Variants in MYRIP observed in about 807,000 individuals in gnomAD.
MYRIP encodes rab effector MyRIP.
In MYRIP, 49 loss-of-function variants were observed where a neutral mutation model predicts 98.0. The ratio of observed to expected loss-of-function variants is 0.50; its 90% CI spans 0.40 to 0.63. MYRIP has a LOEUF of 0.63. MYRIP is among the 30% of genes least tolerant of loss of function. MYRIP has a pLI of 0.00. For missense variants in MYRIP, 1,004 were observed against 1,058.2 expected (o/e 0.95, Z 0.71); for synonymous variants, 404 against 409.5 (o/e 0.99, Z 0.16).
chr3:39,978,230 C>T (rs1945803876), intron 2 of MYRIP, among the ~76,000 whole-genome samples: 1 of 152,122 alleles, frequency 6.6e-6, no homozygotes, highest in Admixed American at 6.5e-5. Flanking sequence ...TATCCTAGTC[C>T]TCAAGAGAAA....
intron 3 of MYRIP, among the ~76,000 whole-genome samples, chr3:40,099,527 A>C (rs1948900761): frequency 6.6e-6 from 1 of 152,164 alleles, no homozygotes. Flanking sequence ...ACTCTCCATC[A>C]CAGTATATGT....
chr3:39,885,883 T>C (rs573938355), intron 1 of MYRIP, among the ~76,000 whole-genome samples: 24 of 152,160 alleles, frequency 1.6e-4, no homozygotes, highest in African/African-American at 5.8e-4. Flanking sequence ...TTGGTTATTC[T>C]AGTTATACAT....
At chr3:39,995,588 T>C (rs1207306408) in intron 2 of MYRIP, among the ~76,000 whole-genome samples, 8 of 152,126 alleles carry the variant, frequency 5.3e-5, no homozygotes, top group Admixed American at 5.2e-4. Flanking sequence ...ACGGGGAGAA[T>C]GGAACCAAGT....
intron 1 of MYRIP, among the ~76,000 whole-genome samples, chr3:39,861,165 G>A (rs1289043769): frequency 6.6e-6 from 1 of 152,158 alleles, no homozygotes; most frequent in Non-Finnish European, 1.5e-5. Context: ...ACAGGCTAGG[G>A]AGCAAAGCCA....
At chr3:40,239,617 G>GT (rs1952934765) in intron 12 of MYRIP, among the ~76,000 whole-genome samples, 2 of 148,032 alleles carry the variant, frequency 1.4e-5, no homozygotes, top group Admixed American at 1.3e-4. Context: ...GTGTGAGATG[G>GT]TATCTCATTG....
At chr3:39,931,603 GA>G (rs1226493995) in intron 2 of MYRIP, among the ~76,000 whole-genome samples, 2 of 152,102 alleles carry the variant, frequency 1.3e-5, no homozygotes, top group Admixed American at 6.5e-5. Context: ...TGGCAGGGGG[GA>G]AAGCATTCAG....
intron 8 of MYRIP, 113 bp from the exon 9 acceptor site, chr3:40,182,096 AAGAGCCATTAC>A (rs1950895076): frequency 9.4e-7 from 1 of 1,065,022 alleles, no homozygotes; most frequent in South Asian, 2.0e-5. Context: ...CTCACGTGAA[AAGAGCCATTAC>A]CATTAAACAT....
intron 2 of MYRIP, among the ~76,000 whole-genome samples, chr3:39,942,540 A>T (rs1419668536): frequency 6.6e-6 from 1 of 152,080 alleles, no homozygotes; most frequent in Non-Finnish European, 1.5e-5. Context: ...TACATAATAG[A>T]TGTGTATATT....
At chr3:39,907,680 C>G (rs538149794) in intron 2 of MYRIP, among the ~76,000 whole-genome samples, 2 of 152,148 alleles carry the variant, frequency 1.3e-5, no homozygotes, top group Admixed American at 6.5e-5. Context: ...TAGTATTACT[C>G]TAAGTAATAG....
intron 3 of MYRIP, among the ~76,000 whole-genome samples, chr3:40,150,618 A>G (rs1410519883): frequency 6.6e-6 from 1 of 152,218 alleles, no homozygotes; most frequent in African/African-American, 2.4e-5. Flanking sequence ...TCAAGCATTT[A>G]TTGGCTTGCT....
intron 2 of MYRIP, among the ~76,000 whole-genome samples, chr3:39,982,026 A>G (rs1448727038): frequency 1.3e-5 from 2 of 152,232 alleles, no homozygotes; most frequent in African/African-American, 4.8e-5. Flanking sequence ...AAACTGTAAT[A>G]TGCCTCAATT....
At chr3:39,971,272 T>C (rs1338376915) in intron 2 of MYRIP, among the ~76,000 whole-genome samples, 1 of 152,030 alleles carries the variant, frequency 6.6e-6, no homozygotes, top group Non-Finnish European at 1.5e-5. Context: ...TATTATGTTT[T>C]TGTAAATTTA....
At chr3:39,963,890 C>T (rs370250728) in intron 2 of MYRIP, among the ~76,000 whole-genome samples, 28 of 152,184 alleles carry the variant, frequency 1.8e-4, no homozygotes, top group African/African-American at 6.5e-4. Context: ...GCTAAGTTTA[C>T]GTTTCAGATT....
intron 3 of MYRIP, among the ~76,000 whole-genome samples, chr3:40,103,036 G>A (rs891652110): frequency 6.6e-6 from 1 of 151,646 alleles, no homozygotes; most frequent in African/African-American, 2.4e-5. Context: ...GTCACTTGAG[G>A]TGACATCCAG....
At chr3:39,891,329 T>C (rs898791511) in intron 1 of MYRIP, among the ~76,000 whole-genome samples, 1 of 151,956 alleles carries the variant, frequency 6.6e-6, no homozygotes, top group African/African-American at 2.4e-5. Flanking sequence ...GATATTCATA[T>C]TGCTCAGATT....
At chr3:40,194,510 G>A (rs1385681261) in intron 10 of MYRIP, among the ~76,000 whole-genome samples, 19 of 151,890 alleles carry the variant, frequency 1.3e-4, no homozygotes, top group Admixed American at 1.2e-3. Flanking sequence ...CACTGTTGTG[G>A]ATTTTTAGAA....
chr3:39,828,588 T>C (rs1312183527), intron 1 of MYRIP, among the ~76,000 whole-genome samples: 1 of 152,182 alleles, frequency 6.6e-6, no homozygotes, highest in East Asian at 1.9e-4. Flanking sequence ...ACCTGAGCAG[T>C]ATACACTGCA....
intron 3 of MYRIP, among the ~76,000 whole-genome samples, chr3:40,064,795 G>A (rs1000600104): frequency 6.6e-6 from 1 of 152,180 alleles, no homozygotes; most frequent in African/African-American, 2.4e-5. Context: ...GTTGAGTTGA[G>A]AAGAAAATCC....
At chr3:40,192,365 T>TTA (rs1951260945) in intron 10 of MYRIP, among the ~76,000 whole-genome samples, 1 of 79,346 alleles carries the variant, frequency 1.3e-5, no homozygotes, top group East Asian at 2.6e-4. Context: ...TATATTTATT[T>TTA]AAGTTATTTA....
Sources: gnomAD v4.1 joint callset for allele counts (sites outside exome capture counted in the v4.1 genomes callset) on GRCh38, gnomAD v4.1.1 for gene constraint, MANE v1.5 for transcripts, NCBI Gene and HGNC (gene_info 2026-07-23, HGNC 2026-07-21) for gene names.